CUL3: variants seen among roughly 807,000 people sequenced by gnomAD.
CUL3 encodes the protein cullin 3.
In CUL3, 19 loss-of-function variants were observed where a neutral mutation model predicts 89.1. That is an observed-to-expected ratio of 0.21 (90% CI 0.15 to 0.31). The LOEUF is 0.31. Among genes scored for constraint, CUL3 ranks in the 10% least tolerant of loss-of-function variants. The pLI is 1.00. For synonymous variants in CUL3, 351 were observed against 308.4 expected (o/e 1.14, Z -1.45); for missense variants, 469 against 942.3 (o/e 0.50, Z 6.58).
Position 224,471,263 on chromosome 2 carries a change from AATT to A in CUL3, c.*2979_*2981del, listed in dbSNP as rs1156504645. The A allele has an allele frequency of 4.8e-6, 1 of 206,336 alleles. No homozygotes were observed. The highest frequency in any genetic ancestry group is 9.9e-6 in the Non-Finnish European group (1 of 101,272). The allele number at this position is 206,336 out of a possible 1,614,324, so 12.8% of individuals were successfully genotyped here. A position where few individuals can be genotyped will look rare whatever the true frequency, so the allele number is the denominator to read the frequency against. On this transcript the variant is annotated 3_prime_UTR_variant, in exon 16 of 16. Transcript: ENST00000264414. ...ACAATATACCATATACTCTATAAAA[AATT>A]ATTCTATGAAAGTCTTAAGTTACAG...
At chr2:224,535,099 G>C (rs908552597) in intron 3 of CUL3, among the ~76,000 whole-genome samples, 8 of 152,092 alleles carry the variant, frequency 5.3e-5, no homozygotes, top group Admixed American at 4.6e-4. Flanking sequence ...CCCTTACAAA[G>C]AAAGTACTGT....
intron 2 of CUL3, among the ~76,000 whole-genome samples, chr2:224,541,364 G>A (rs1559197366): frequency 6.6e-6 from 1 of 152,150 alleles, no homozygotes; most frequent in Non-Finnish European, 1.5e-5. Flanking sequence ...AGTCATTAGG[G>A]AAAAGCTAAT....
intron 12 of CUL3, 146 bp from the exon 13 acceptor site, chr2:224,496,112 C>T (rs1445145224): frequency 5.2e-6 from 4 of 763,084 alleles, no homozygotes; most frequent in South Asian, 1.9e-5. Flanking sequence ...CTCACTGCAG[C>T]CTCAACCTCC....
At chr2:224,554,870 G>T (rs1459800035) in intron 2 of CUL3, among the ~76,000 whole-genome samples, 1 of 152,084 alleles carries the variant, frequency 6.6e-6, no homozygotes, top group African/African-American at 2.4e-5. Flanking sequence ...TCCTTCAGCA[G>T]CTTTAAACAA....
At chr2:224,527,713 C>T (rs992834041) in intron 3 of CUL3, among the ~76,000 whole-genome samples, 1 of 152,178 alleles carries the variant, frequency 6.6e-6, no homozygotes, top group East Asian at 1.9e-4. Flanking sequence ...TACTTTGTTA[C>T]ACTTGAACGA....
rs927349185 is a variant in CUL3, at chr2:224,479,143, G to A, written c.2030-798C>T. The A allele has an allele frequency of 3.3e-5, 5 of 152,206 alleles. No homozygotes were observed. In the East Asian group the frequency reaches 7.7e-4, roughly 23 times the overall value. The allele number at this position is 152,206 out of a possible 1,614,324, so 9.4% of individuals were successfully genotyped here. On this transcript the variant is annotated intron_variant, in intron 14 of 15. Coordinates refer to ENST00000264414, the MANE Select transcript of CUL3 (RefSeq NM_003590.5). Reference sequence around the variant, plus strand: ...TTCACCAAAAGGAGATAGATGTGAAGTTTCTGGAGGTAGAAACCGTAAAAT... The same window carrying A: ...TTCACCAAAAGGAGATAGATGTGAAATTTCTGGAGGTAGAAACCGTAAAAT...
chr2:224,573,030 G>A (rs1695218543), intron 1 of CUL3, among the ~76,000 whole-genome samples: 1 of 152,104 alleles, frequency 6.6e-6, no homozygotes, highest in African/African-American at 2.4e-5. Flanking sequence ...TAACACAAGA[G>A]CACACAAATT....
chr2:224,503,988 G>A (rs1165796640), intron 8 of CUL3, 166 bp from the exon 9 acceptor site: 3 of 525,608 alleles, frequency 5.7e-6, no homozygotes, highest in African/African-American at 1.9e-5. Context: ...ACTTCACACA[G>A]TAGCATCATT....
intron 2 of CUL3, among the ~76,000 whole-genome samples, chr2:224,554,988 C>A (rs903738275): frequency 1.3e-5 from 2 of 152,132 alleles, no homozygotes; most frequent in Admixed American, 6.6e-5. Flanking sequence ...TGGCTCTGGG[C>A]TCTTCATTTT....
chr2:224,499,014 T>C (rs899297141), intron 11 of CUL3, among the ~76,000 whole-genome samples: 1 of 152,164 alleles, frequency 6.6e-6, no homozygotes, highest in Admixed American at 6.5e-5. Context: ...TACATGTCAA[T>C]ATGCTGAATA....
intron 15 of CUL3, among the ~76,000 whole-genome samples, chr2:224,474,986 C>T (rs1691261451): frequency 6.6e-6 from 1 of 152,100 alleles, no homozygotes. Flanking sequence ...ATGCACTATT[C>T]ATCTGTCATT....
intron 1 of CUL3, among the ~76,000 whole-genome samples, chr2:224,574,593 G>C (rs1240368593): frequency 6.6e-6 from 1 of 152,196 alleles, no homozygotes; most frequent in Non-Finnish European, 1.5e-5. Context: ...AGCTTTCAAA[G>C]ATTTCTACTT....
At chr2:224,579,177 A>G (rs1695378876) in intron 1 of CUL3, among the ~76,000 whole-genome samples, 1 of 152,242 alleles carries the variant, frequency 6.6e-6, no homozygotes, top group Admixed American at 6.5e-5. Flanking sequence ...TCTAACTTCT[A>G]AAGTCATAGT....
In CUL3 at chr2:224,474,280, G is replaced by C. The variant is rs1691236757; in HGVS notation, c.2272C>G (p.Pro758Ala). 1 of 1,613,932 alleles carries C rather than the reference G, an allele frequency of 6.2e-7. No individual in the cohort carries two copies. The highest frequency in any genetic ancestry group is 1.1e-5 in the South Asian group (1 of 91,046). Residue 758 changes from proline (P) to alanine (A), a missense_variant, in exon 16 of 16, where the codon CCT (proline) becomes GCT (alanine). Coordinates refer to ENST00000264414, the MANE Select transcript of CUL3 (RefSeq NM_003590.5). ...LIEREYLART[P>A]EDRKVYTYVA ...TATGTGTATACTTTGCGATCCTCAG[G>C]TGTTCGTGCCAAATATTCTCTCTCA...
In CUL3 at chr2:224,511,341, C is replaced by G. The variant is rs147823056; in HGVS notation, c.883+13G>C. The G allele has an allele frequency of 1.1e-3, 1,745 of 1,534,746 alleles. No individual in the cohort carries two copies. The highest frequency in any genetic ancestry group is 1.4e-3 in the Non-Finnish European group (1,572 of 1,123,062). On this transcript the variant is annotated intron_variant, in intron 6 of 15. Transcript: ENST00000264414. Reference sequence around the variant, plus strand: ...AGTAAGGATTTAATTATTTTTCAATCGGTAACACTTACCTTCTGTCTTTCC... The same window carrying G: ...AGTAAGGATTTAATTATTTTTCAATGGGTAACACTTACCTTCTGTCTTTCC...
chr2:224,503,864 C>T, intron 8 of CUL3, 42 bp from the exon 9 acceptor site: 1 of 1,434,992 alleles, frequency 7.0e-7, no homozygotes, highest in Non-Finnish European at 9.3e-7. Context: ...AATTTTAGTT[C>T]TACAAAAGCA....
intron 1 of CUL3, among the ~76,000 whole-genome samples, chr2:224,559,199 T>C (rs570472863): frequency 8.5e-5 from 13 of 152,180 alleles, no homozygotes; most frequent in Admixed American, 7.9e-4. Flanking sequence ...TAATCCTACC[T>C]AGCATTTTGG....
chr2:224,526,001 T>C (rs1217280186), intron 3 of CUL3, among the ~76,000 whole-genome samples: 3 of 152,362 alleles, frequency 2.0e-5, no homozygotes, highest in Admixed American at 2.0e-4. Flanking sequence ...TTCTATGGTA[T>C]GTGCATGCAC....
At chr2:224,515,956 C>T (rs546617538) in intron 3 of CUL3, among the ~76,000 whole-genome samples, 95 of 152,244 alleles carry the variant, frequency 6.2e-4, no homozygotes, top group Non-Finnish European at 5.3e-4. Flanking sequence ...TCCCAAAGTG[C>T]TGGGATTACA....
Sources: gnomAD v4.1 joint callset for allele counts (sites outside exome capture counted in the v4.1 genomes callset) on GRCh38, gnomAD v4.1.1 for gene constraint, MANE v1.5 for transcripts, NCBI Gene and HGNC (gene_info 2026-07-23, HGNC 2026-07-21) for gene names.